Variants in DEFB131B observed in about 807,000 individuals in gnomAD.
The protein encoded by DEFB131B is beta-defensin 131B.
DEFB131B carries 2 observed loss-of-function variants against 2.1 expected under a neutral mutation model. The observed-to-expected ratio is 0.94, with a 90% CI of 0.38 to 2.95. DEFB131B has a LOEUF of 2.95. DEFB131B is among the 30% of genes most tolerant of loss of function. The pLI is 0.09. For missense variants in DEFB131B, 77 were observed against 78.5 expected (o/e 0.98, Z 0.07); for synonymous variants, 26 against 25.8 (o/e 1.01, Z -0.03).
At chr11:71,881,690 C>A (rs151259691) in intron 1 of DEFB131B, among the ~76,000 whole-genome samples, 1 of 151,718 alleles carries the variant, frequency 6.6e-6, no homozygotes, top group African/African-American at 2.4e-5. Context: ...AAGATTGGGA[C>A]TTTAACATAC....
At chr11:71,880,332 T>A (rs1335549258) in intron 1 of DEFB131B, among the ~76,000 whole-genome samples, 1 of 152,294 alleles carries the variant, frequency 6.6e-6, no homozygotes, top group African/African-American at 2.4e-5. Context: ...ACTCTAATGA[T>A]CCATTGTGTT....
chr11:71,882,638 C>T (rs2121354292), intron 1 of DEFB131B, among the ~76,000 whole-genome samples: 1 of 152,332 alleles, frequency 6.6e-6, no homozygotes, highest in South Asian at 2.1e-4. Context: ...ATTCTTCACT[C>T]ATACTCAATG....
intron 1 of DEFB131B, 192 bp from the exon 2 acceptor site, chr11:71,884,215 C>A (rs955784397): frequency 3.6e-6 from 2 of 548,946 alleles, no homozygotes; most frequent in South Asian, 4.3e-5. Context: ...TCATTTACTA[C>A]TCTCTTTACA....
chr11:71,880,212 T>C (rs1251327039), intron 1 of DEFB131B, among the ~76,000 whole-genome samples: 1 of 152,204 alleles, frequency 6.6e-6, no homozygotes, highest in East Asian at 1.9e-4. Flanking sequence ...GTATTTATTA[T>C]AAAGTATTGG....
At chr11:71,878,725 T>G (rs901847805) in intron 1 of DEFB131B, among the ~76,000 whole-genome samples, 2 of 151,966 alleles carry the variant, frequency 1.3e-5, no homozygotes, top group South Asian at 4.1e-4. Context: ...CCAGGCACAG[T>G]GGCTCATGTC....
chr11:71,878,961 C>T (rs1169155901), intron 1 of DEFB131B, among the ~76,000 whole-genome samples: 1 of 152,124 alleles, frequency 6.6e-6, no homozygotes, highest in African/African-American at 2.4e-5. Flanking sequence ...GTTCATGCCA[C>T]TGCACACCAG....
chr11:71,880,699 G>A (rs188383508), intron 1 of DEFB131B, among the ~76,000 whole-genome samples: 1 of 152,104 alleles, frequency 6.6e-6, no homozygotes, highest in East Asian at 1.9e-4. Context: ...ATAGGCTTTG[G>A]TATGTTGTGT....
intron 1 of DEFB131B, among the ~76,000 whole-genome samples, chr11:71,881,563 C>T (rs949270781): frequency 1.3e-5 from 2 of 151,868 alleles, no homozygotes; most frequent in Non-Finnish European, 2.9e-5. Flanking sequence ...GTCTCTTCCT[C>T]TTCTAATAAG....
At chr11:71,879,286 T>A (rs1278223589) in intron 1 of DEFB131B, among the ~76,000 whole-genome samples, 1 of 63,426 alleles carries the variant, frequency 1.6e-5, no homozygotes, top group African/African-American at 3.4e-5. Flanking sequence ...ACTTTTTGTA[T>A]GGTGAGAGTT....
At chr11:71,879,693 G>GCA (rs1480964322) in intron 1 of DEFB131B, among the ~76,000 whole-genome samples, 1 of 151,920 alleles carries the variant, frequency 6.6e-6, no homozygotes, top group Non-Finnish European at 1.5e-5. Flanking sequence ...TTAAAATTGT[G>GCA]CACCCCTCAC....
At chr11:71,878,617 T>C in intron 1 of DEFB131B, 107 bp downstream of exon 1, 1 of 1,135,136 alleles carries the variant, frequency 8.8e-7, no homozygotes, top group Non-Finnish European at 1.3e-6. Context: ...GATTTTACTG[T>C]ACCATGAAGG....
intron 1 of DEFB131B, among the ~76,000 whole-genome samples, chr11:71,882,833 T>C (rs1224541238): frequency 6.6e-6 from 1 of 152,092 alleles, no homozygotes; most frequent in African/African-American, 2.4e-5. Context: ...AATGACATAA[T>C]TTTTTTGTAA....
chr11:71,879,096 T>C (rs1351678575), intron 1 of DEFB131B, among the ~76,000 whole-genome samples: 3 of 151,964 alleles, frequency 2.0e-5, no homozygotes, highest in Non-Finnish European at 2.9e-5. Flanking sequence ...ATTTAAAGAA[T>C]TGGAAAAATG....
At chr11:71,882,445 G>T (rs1193172024) in intron 1 of DEFB131B, among the ~76,000 whole-genome samples, 1 of 152,094 alleles carries the variant, frequency 6.6e-6, no homozygotes, top group East Asian at 1.9e-4. Context: ...TGGCCAGGCT[G>T]GTCTTGAACC....
At position 71,884,419 on chromosome 11, in the gene DEFB131B, C is replaced by A; in HGVS notation, c.71C>A (p.Thr24Asn). The A allele has an allele frequency of 6.3e-7, 1 of 1,592,810 alleles. No homozygotes were observed. Among genetic ancestry groups the A allele is most frequent in the Non-Finnish European group, 8.6e-7 (1 of 1,169,112 alleles). ...MSTVPPTRSFTSNDECPSEYY... is the reference protein window; with the variant it reads ...MSTVPPTRSFNSNDECPSEYY... ...TCTCTTTTTAAAGCCAGAAGCTTCA[C>A]TTCTAATGATGAATGTCCTTCAGAA... The change falls in exon 2 of 2, where the codon ACT (threonine) becomes AAT (asparagine). Residue 24 changes from threonine to asparagine, a missense_variant. By Grantham distance (65) the Thr-to-Asn change is moderately conservative (BLOSUM62 0). Coordinates refer to ENST00000530210, the MANE Select transcript of DEFB131B (RefSeq NM_001242853.1).
chr11:71,880,305 A>G (rs1393202077), intron 1 of DEFB131B, among the ~76,000 whole-genome samples: 1 of 152,166 alleles, frequency 6.6e-6, no homozygotes, highest in East Asian at 1.9e-4. Context: ...TATTTAGCAT[A>G]TGGTTGTTTA....
intron 1 of DEFB131B, among the ~76,000 whole-genome samples, chr11:71,880,665 T>G (rs1024745793): frequency 6.6e-6 from 1 of 152,216 alleles, no homozygotes; most frequent in African/African-American, 2.4e-5. Context: ...AAATTCTCTC[T>G]TAGCACTGTC....
At chr11:71,878,838 A>G (rs1952541665) in intron 1 of DEFB131B, among the ~76,000 whole-genome samples, 1 of 152,000 alleles carries the variant, frequency 6.6e-6, no homozygotes, top group African/African-American at 2.4e-5. Context: ...AAAAAAAAAA[A>G]AAATACAAAA....
At chr11:71,882,067 C>T (rs1952567150) in intron 1 of DEFB131B, among the ~76,000 whole-genome samples, 2 of 150,836 alleles carry the variant, frequency 1.3e-5, no homozygotes, top group Non-Finnish European at 2.9e-5. Flanking sequence ...ATTGAAACTG[C>T]CAAAAATCAA....
Sources: allele counts gnomAD v4.1 joint callset (sites outside exome capture counted in the v4.1 genomes callset), GRCh38; gene constraint gnomAD v4.1.1; transcripts MANE v1.5; gene names NCBI Gene and HGNC (gene_info 2026-07-23, HGNC 2026-07-21).